NDUFS1: variants seen among roughly 807,000 people sequenced by gnomAD.
NDUFS1 encodes NADH-ubiquinone oxidoreductase 75 kDa subunit, mitochondrial.
NDUFS1 carries 61 observed loss-of-function variants against 84.4 expected under a neutral mutation model. The ratio of observed to expected loss-of-function variants is 0.72; its 90% CI spans 0.59 to 0.89. The LOEUF (loss-of-function observed/expected upper bound fraction) is 0.89, where lower values mean the gene tolerates loss of function less well. Ranked by LOEUF, NDUFS1 falls within the 40% of genes least tolerant of loss-of-function variation. NDUFS1 has a pLI of 0.00. For synonymous variants in NDUFS1, 275 were observed against 290.0 expected (o/e 0.95, Z 0.53); for missense variants, 891 against 890.0 (o/e 1.00, Z -0.01).
At chr2:206,154,675 G>C (rs1425551433) in intron 1 of NDUFS1, among the ~76,000 whole-genome samples, 2 of 152,162 alleles carry the variant, frequency 1.3e-5, no homozygotes, top group African/African-American at 2.4e-5. Flanking sequence ...CCAGACTGGA[G>C]TGCACTGGTG....
chr2:206,132,900 A>G, intron 14 of NDUFS1, 45 bp downstream of exon 14: 1 of 1,532,756 alleles, frequency 6.5e-7, no homozygotes, highest in East Asian at 2.3e-5. Flanking sequence ...ACATATACAC[A>G]ACATTACTTG....
intron 1 of NDUFS1, among the ~76,000 whole-genome samples, chr2:206,157,585 T>C (rs1687709342): frequency 6.6e-6 from 1 of 152,210 alleles, no homozygotes; most frequent in South Asian, 2.1e-4. Flanking sequence ...CAATCAGTAT[T>C]TCATACAATT....
rs777865738 is a variant in NDUFS1 at position 206,149,942 on chromosome 2, A to G, written c.154-17T>C. 0.014 allele frequency: 19,948 copies of G among 1,456,752 alleles called. 556 individuals are homozygous for G. Among genetic ancestry groups the G allele is most frequent in the Non-Finnish European group, 0.015 (16,141 of 1,050,268 alleles). 90.2% of individuals were successfully genotyped at this position (1,456,752 alleles called of 1,614,324 possible). A position where few individuals can be genotyped will look rare whatever the true frequency, so the allele number is the denominator to read the frequency against. On this transcript the variant is annotated splice_polypyrimidine_tract_variant and intron_variant, in intron 3 of 18. Coordinates refer to ENST00000233190, the MANE Select transcript of NDUFS1 (RefSeq NM_005006.7). Reference sequence around the variant, plus strand: ...CTCACAAGCCTAGAAGTAAAAAAAAAAAAAAAAAAAAAAAAAGCATTAGAA... The same window carrying G: ...CTCACAAGCCTAGAAGTAAAAAAAAGAAAAAAAAAAAAAAAAGCATTAGAA...
chr2:206,150,073 G>A (rs1692315367), intron 3 of NDUFS1, 148 bp from the exon 4 acceptor site: 1 of 582,944 alleles, frequency 1.7e-6, no homozygotes, highest in Non-Finnish European at 2.9e-6. Context: ...TCTTATTTCA[G>A]TCCCTTTCTT....
intron 2 of NDUFS1, 124 bp downstream of exon 2, chr2:206,153,494 C>T: frequency 1.5e-6 from 1 of 649,366 alleles, no homozygotes; most frequent in Non-Finnish European, 2.7e-6. Flanking sequence ...CCACACCCGG[C>T]CGGTTTCTAT....
chr2:206,124,817 C>A (rs990643801), intron 18 of NDUFS1, among the ~76,000 whole-genome samples: 3 of 151,688 alleles, frequency 2.0e-5, no homozygotes, highest in Admixed American at 6.6e-5. Flanking sequence ...CTAGCCTGGG[C>A]GACAGAGCAA....
Position 206,123,053 on chromosome 2 carries a change from T to A in NDUFS1, c.*1132A>T, listed in dbSNP as rs979330328. 10 of 152,024 alleles carry A rather than the reference T, an allele frequency of 6.6e-5. No homozygotes were observed. Among genetic ancestry groups the A allele is most frequent in the African/African-American group, 2.4e-4 (10 of 41,410 alleles). 9.4% of individuals were successfully genotyped at this position (152,024 alleles called of 1,614,324 possible). ...CCCAACCTTAGATTAAAAAAAAAAATTATCTATTTTTAATTATCTCCTAAT... is the reference window on the plus strand; with the variant it reads ...CCCAACCTTAGATTAAAAAAAAAAAATATCTATTTTTAATTATCTCCTAAT... On this transcript the variant is annotated 3_prime_UTR_variant, in exon 19 of 19. Transcript: ENST00000233190.
intron 16 of NDUFS1, 56 bp downstream of exon 16, chr2:206,127,741 T>C (rs1691347510): frequency 5.1e-6 from 8 of 1,574,446 alleles, no homozygotes; most frequent in Non-Finnish European, 6.1e-6. Flanking sequence ...TCTAACAGGC[T>C]AAAATATCAA....
At chr2:206,156,488 T>C (rs1219911834) in intron 1 of NDUFS1, among the ~76,000 whole-genome samples, 1 of 151,398 alleles carries the variant, frequency 6.6e-6, no homozygotes, top group African/African-American at 2.4e-5. Context: ...CCTGGGAGCA[T>C]GGCTTGAGCC....
intron 3 of NDUFS1, among the ~76,000 whole-genome samples, chr2:206,151,427 T>G (rs188867945): frequency 1.8e-3 from 280 of 152,344 alleles, no homozygotes; most frequent in African/African-American, 6.6e-3. Flanking sequence ...CTGTTCATCC[T>G]TTAACACCTC....
chr2:206,129,646 C>CAATG (rs1329242948), intron 15 of NDUFS1, among the ~76,000 whole-genome samples: 1 of 150,162 alleles, frequency 6.7e-6, no homozygotes, highest in African/African-American at 2.5e-5. Context: ...GGCTGGAGTA[C>CAATG]AATGGCATGA....
intron 3 of NDUFS1, among the ~76,000 whole-genome samples, chr2:206,150,733 G>C (rs1468465606): frequency 2.0e-5 from 3 of 152,120 alleles, no homozygotes; most frequent in Non-Finnish European, 2.9e-5. Context: ...CCAAGCTTCA[G>C]ATTTACAGGT....
At chr2:206,141,407 C>CT (rs1238481047) in intron 12 of NDUFS1, among the ~76,000 whole-genome samples, 1 of 151,734 alleles carries the variant, frequency 6.6e-6, no homozygotes, top group African/African-American at 2.4e-5. Flanking sequence ...GGGCGGGCGC[C>CT]TGTAGTCCCA....
At chr2:206,145,171 T>C (rs1453803531) in intron 8 of NDUFS1, 145 bp from the exon 9 acceptor site, 1 of 770,568 alleles carries the variant, frequency 1.3e-6, no homozygotes. Flanking sequence ...TGCAATTAAA[T>C]AAAAGAACCC....
At position 206,147,088 on chromosome 2, in the gene NDUFS1, C is replaced by T; in HGVS notation, c.552G>A (p.Arg184=). ...CTACTCCTGCAATCTCACTTGCAAA[C>T]CTACAAGATAAAAAATGTGTCATCA... ...TRCIQCTRCI[R]FASEIAGVDD... The change falls in exon 8 of 19, where the codon AGG becomes AGA. Residue 184 remains arginine (R), a splice_region_variant and synonymous_variant. Transcript: ENST00000233190. The T allele has an allele frequency of 6.2e-7, 1 of 1,614,048 alleles. No homozygotes were observed. Among genetic ancestry groups the T allele is most frequent in the Non-Finnish European group, 8.5e-7 (1 of 1,179,976 alleles).
chr2:206,115,937 A>G lies in NDUFS1; in HGVS notation c.*8248T>C, dbSNP rs1690932255. 1.5e-6 allele frequency: 1 copy of G among 656,358 alleles called. No homozygotes were observed. The highest frequency in any genetic ancestry group is 2.8e-6 in the Non-Finnish European group (1 of 359,258). The allele number at this position is 656,358 out of a possible 1,614,324, so 40.7% of individuals were successfully genotyped here. A position where few individuals can be genotyped will look rare whatever the true frequency, so the allele number is the denominator to read the frequency against. ...AAAAAGACACATATTATGTTTATCT[A>G]CAATCATTAGAAAGTTAAAAGGCAT... On this transcript the variant is annotated 3_prime_UTR_variant, in exon 19 of 19. Transcript: ENST00000233190.
At chr2:206,155,927 A>C (rs1037342141) in intron 1 of NDUFS1, among the ~76,000 whole-genome samples, 5 of 151,736 alleles carry the variant, frequency 3.3e-5, no homozygotes, top group Non-Finnish European at 7.4e-5. Context: ...CTAAGCACTG[A>C]ACTTTCCTTC....
intron 17 of NDUFS1, 37 bp downstream of exon 17, chr2:206,126,673 A>G: frequency 6.2e-7 from 1 of 1,614,134 alleles, no homozygotes; most frequent in East Asian, 2.2e-5. Flanking sequence ...ACCAGTAGAT[A>G]CAACATTATG....
rs1351075935 is a variant in NDUFS1, at chr2:206,159,351, G to A, written c.-15C>T. 6.7e-6 allele frequency: 4 copies of A among 598,554 alleles called. No homozygotes were observed. The highest frequency in any genetic ancestry group is 2.9e-5 in the Admixed American group (1 of 34,328). 37.1% of individuals were successfully genotyped at this position (598,554 alleles called of 1,614,324 possible). A position where few individuals can be genotyped will look rare whatever the true frequency, so the allele number is the denominator to read the frequency against. ...CATACAAGACCTCACCTTCTCCCCG[G>A]AGCCGCGGAGGCTGTTCTGCTAAAC... On this transcript the variant is annotated 5_prime_UTR_variant, in exon 1 of 19. Transcript: ENST00000233190.
Sources: gnomAD v4.1 joint callset for allele counts (sites outside exome capture counted in the v4.1 genomes callset) on GRCh38, gnomAD v4.1.1 for gene constraint, MANE v1.5 for transcripts, NCBI Gene and HGNC (gene_info 2026-07-23, HGNC 2026-07-21) for gene names.